Variants in DPP6 observed in about 807,000 individuals in gnomAD.
DPP6 encodes dipeptidyl peptidase like 6, also known as A-type potassium channel modulatory protein DPP6.
Under a neutral mutation model 122.6 loss-of-function variants are expected in DPP6, and 69 were observed. The observed-to-expected ratio is 0.56, with a 90% confidence interval of 0.46 to 0.69. The LOEUF (loss-of-function observed/expected upper bound fraction) is 0.69. Among genes scored for constraint, DPP6 ranks in the 30% least tolerant of loss-of-function variants. The pLI is 0.00. For synonymous variants in DPP6, 418 were observed against 433.1 expected (o/e 0.97, Z 0.43); for missense variants, 928 against 1,116.9 (o/e 0.83, Z 2.41).
At chr7:154,585,770 T>C (rs1832400109) in intron 5 of DPP6, among the ~76,000 whole-genome samples, 1 of 152,212 alleles carries the variant, frequency 6.6e-6, no homozygotes, top group African/African-American at 2.4e-5. Context: ...CCCATCCTTT[T>C]CTTTCTTCCC....
intron 1 of DPP6, among the ~76,000 whole-genome samples, chr7:154,197,694 A>AT (rs1318091908): frequency 6.6e-6 from 1 of 152,234 alleles, no homozygotes; most frequent in East Asian, 1.9e-4. Context: ...GTATTGACAT[A>AT]TCAATATTTC....
At chr7:153,855,289 C>A in the DPP6 span, among the ~76,000 whole-genome samples, 2 of 151,806 alleles carry the variant, frequency 1.3e-5, no homozygotes, top group African/African-American at 4.8e-5. Context: ...TATTCTTTTT[C>A]AATATTATTT....
chr7:154,558,324 A>G (rs1830187883), intron 4 of DPP6, among the ~76,000 whole-genome samples: 1 of 152,204 alleles, frequency 6.6e-6, no homozygotes, highest in Admixed American at 6.5e-5. Flanking sequence ...TAAAACTCCA[A>G]GGAAATAACA....
intron 10 of DPP6, among the ~76,000 whole-genome samples, chr7:154,785,422 G>A (rs10254582): frequency 0.85 from 128,874 of 152,230 alleles, 54,898 homozygotes; most frequent in African/African-American, 0.93. Context: ...ACAAGAATTC[G>A]GAACACTTAC....
rs59798967 is a variant in DPP6 at position 154,481,345 on chromosome 7, G to GTT, written c.457+6308_457+6309insTT. 7.0e-6 allele frequency among the ~76,000 whole-genome samples: 1 copy of GTT among 143,030 alleles called. No individual in the cohort carries two copies. Among genetic ancestry groups the GTT allele is most frequent in the Non-Finnish European group, 1.5e-5 (1 of 65,090 alleles). The allele number at this position is 143,030 out of a possible 152,430, so 93.8% of individuals were successfully genotyped here. ...TATACACTTGGAGAGAGAGAGAGAGGGGTGTGTGTGTGTGTGTGTGTGTGT... is the reference window on the plus strand; with the variant it reads ...TATACACTTGGAGAGAGAGAGAGAGGTTGGTGTGTGTGTGTGTGTGTGTGTGT... On this transcript the variant is annotated intron_variant, in intron 3 of 25. Coordinates refer to ENST00000377770, the MANE Select transcript of DPP6 (RefSeq NM_130797.4). This position sits in a 1 kb window ranked among gnomAD's most constrained non-coding sequence, Gnocchi z 4.2.
At chr7:154,499,234 A>G (rs1200492246) in intron 3 of DPP6, among the ~76,000 whole-genome samples, 1 of 152,184 alleles carries the variant, frequency 6.6e-6, no homozygotes, top group African/African-American at 2.4e-5. Flanking sequence ...AGTAAAACAG[A>G]TATTTCACTG....
At chr7:154,557,402 T>C (rs1459724993) in intron 4 of DPP6, among the ~76,000 whole-genome samples, 1 of 152,186 alleles carries the variant, frequency 6.6e-6, no homozygotes, top group African/African-American at 2.4e-5. Context: ...CTGGTTTCTT[T>C]TGGTGTTATT....
At chr7:153,830,803 C>G in the DPP6 span, among the ~76,000 whole-genome samples, 9 of 152,312 alleles carry the variant, frequency 5.9e-5, no homozygotes, top group Admixed American at 2.6e-4. Flanking sequence ...ATATATTTCA[C>G]ACATTTTGTC....
intron 2 of DPP6, among the ~76,000 whole-genome samples, chr7:154,462,453 G>A (rs896492898): frequency 3.3e-5 from 5 of 152,084 alleles, no homozygotes; most frequent in African/African-American, 9.7e-5. Context: ...GCTTTAGATA[G>A]TATGGAAATT....
intron 1 of DPP6, among the ~76,000 whole-genome samples, chr7:153,984,071 C>G (rs1171968245): frequency 4.0e-5 from 6 of 150,752 alleles, no homozygotes; most frequent in African/African-American, 1.5e-4. Flanking sequence ...CACACACACA[C>G]ACACACACAC....
intron 1 of DPP6, among the ~76,000 whole-genome samples, chr7:154,013,454 T>C (rs559512933): frequency 7.3e-6 from 1 of 136,418 alleles, no homozygotes; most frequent in African/African-American, 3.1e-5. Context: ...CTCAGGTTTC[T>C]TTTCTTTTTT....
intron 17 of DPP6, among the ~76,000 whole-genome samples, chr7:154,854,230 G>A (rs997643422): frequency 6.6e-6 from 1 of 152,144 alleles, no homozygotes; most frequent in Non-Finnish European, 1.5e-5. Context: ...GGAGCTTCAC[G>A]GCATGGAGGG....
intron 1 of DPP6, among the ~76,000 whole-genome samples, chr7:154,205,652 C>T (rs1799402054): frequency 6.6e-6 from 1 of 152,114 alleles, no homozygotes; most frequent in Admixed American, 6.5e-5. Flanking sequence ...ACCCATGGCA[C>T]AGCCTGAGCT....
intron 6 of DPP6, among the ~76,000 whole-genome samples, chr7:154,662,038 T>C (rs1379672581): frequency 1.3e-5 from 2 of 150,956 alleles, no homozygotes; most frequent in Non-Finnish European, 3.0e-5. Context: ...GCCATAGTGT[T>C]CATATAGTCA....
chr7:153,918,241 TTAAAA>T (rs1301336293), intron 1 of DPP6, among the ~76,000 whole-genome samples: 3 of 152,190 alleles, frequency 2.0e-5, no homozygotes, highest in African/African-American at 7.2e-5. Context: ...AAACTGGCAC[TTAAAA>T]TAGAGTGAAA....
chr7:154,778,199 CAGAT>C (rs1179170012), intron 10 of DPP6, among the ~76,000 whole-genome samples: 2 of 152,114 alleles, frequency 1.3e-5, no homozygotes, highest in Admixed American at 6.5e-5. Context: ...AGGATAGAAA[CAGAT>C]AGAGCTCCAG....
intron 2 of DPP6, among the ~76,000 whole-genome samples, chr7:154,454,838 C>G: frequency 6.6e-6 from 1 of 152,168 alleles, no homozygotes; most frequent in East Asian, 1.9e-4. Context: ...CGTTTGCAAA[C>G]CTAGTCAGTC....
chr7:154,137,012 T>C (rs1323683308), intron 1 of DPP6, among the ~76,000 whole-genome samples: 3 of 152,244 alleles, frequency 2.0e-5, no homozygotes, highest in Admixed American at 6.5e-5. Context: ...AGTGTATGTC[T>C]GCTCAACACA....
At chr7:154,534,373 G>C (rs780049098) in intron 3 of DPP6, among the ~76,000 whole-genome samples, 1 of 152,078 alleles carries the variant, frequency 6.6e-6, no homozygotes, top group African/African-American at 2.4e-5. Flanking sequence ...TTGTAATAAA[G>C]GTCCTGGTTA....
Sources: allele counts gnomAD v4.1 joint callset (sites outside exome capture counted in the v4.1 genomes callset), GRCh38; gene constraint gnomAD v4.1.1; non-coding constraint Gnocchi (gnomAD v3.1); transcripts MANE v1.5; gene names NCBI Gene and HGNC (gene_info 2026-07-23, HGNC 2026-07-21).